The following ANK2 variants were observed in gnomAD, a reference collection of about 807,000 sequenced individuals.
The protein encoded by ANK2 is ankyrin-2.
A neutral mutation model predicts 360.5 loss-of-function variants in ANK2; 83 were observed. The ratio of observed to expected loss-of-function variants is 0.23; its 90% CI spans 0.19 to 0.28. ANK2 has a LOEUF of 0.28. ANK2 is among the 10% of genes least tolerant of loss of function. The pLI, the probability that ANK2 is intolerant of heterozygous loss-of-function variation, is 1.00. For missense variants in ANK2, 4,201 were observed against 4,795.7 expected (o/e 0.88, Z 3.66); for synonymous variants, 1,740 against 1,759.5 (o/e 0.99, Z 0.28).
chr4:113,118,134 T>C (rs1266215533), intron 1 of ANK2, among the ~76,000 whole-genome samples: 1 of 152,210 alleles, frequency 6.6e-6, no homozygotes, highest in African/African-American at 2.4e-5. Context: ...TCTTAAAATA[T>C]TGTTTTCCTT....
intron 1 of ANK2, among the ~76,000 whole-genome samples, chr4:113,104,020 C>T (rs902763581): frequency 2.6e-5 from 4 of 152,086 alleles, no homozygotes; most frequent in African/African-American, 4.8e-5. Flanking sequence ...CCAAGGGTCT[C>T]GGAAACCTAG....
intron 1 of ANK2, among the ~76,000 whole-genome samples, chr4:113,166,941 A>C (rs1227207209): frequency 3.3e-5 from 5 of 152,178 alleles, no homozygotes; most frequent in Non-Finnish European, 7.4e-5. Context: ...AGCCTCATGA[A>C]TATCAGAACA....
intron 1 of ANK2, among the ~76,000 whole-genome samples, chr4:112,850,133 A>G (rs2064316003): frequency 6.6e-6 from 1 of 152,164 alleles, no homozygotes; most frequent in African/African-American, 2.4e-5. Context: ...TACACTATCA[A>G]CTTCCCTGTT....
upstream of ANK2, among the ~76,000 whole-genome samples, chr4:112,815,704 G>A (rs1352333090): frequency 6.6e-6 from 1 of 152,182 alleles, no homozygotes; most frequent in Admixed American, 6.5e-5. Flanking sequence ...AATGGCCAAA[G>A]ATTTAATCAA....
At chr4:112,957,851 AGGCAGAGGGTCTCCTCACTTCTCAGACGG>A (rs2031243637) in intron 2 of ANK2, among the ~76,000 whole-genome samples, 1 of 140,750 alleles carries the variant, frequency 7.1e-6, no homozygotes, top group African/African-American at 2.7e-5. Flanking sequence ...GGCGGTTGCC[AGGCAGAGGGTCTCCTCACTTCTCAGACGG>A]GGCAGCCGGG....
rs942680150 is a variant in ANK2 at position 113,288,400 on chromosome 4, C to A, written c.2191C>A (p.Pro731Thr). Reference protein sequence around the residue: ...QDAHTKLGYTPLIVACHYGNV... With the variant: ...QDAHTKLGYTTLIVACHYGNV... ...TTATTATTTACAGCTTGGTTACACA[C>A]CTTTAATTGTGGCCTGTCACTATGG... is the stretch of plus-strand genomic sequence containing the variant. The change falls in exon 20 of 46, where the codon CCT (proline) becomes ACT (threonine). Residue 731 changes from proline to threonine, a missense_variant. Transcript: ENST00000357077. 6.2e-7 allele frequency: 1 copy of A among 1,613,712 alleles called. No individual in the cohort carries two copies. The highest frequency in any genetic ancestry group is 8.5e-7 in the Non-Finnish European group (1 of 1,179,710).
chr4:113,223,696 G>T (rs779318540), intron 4 of ANK2, among the ~76,000 whole-genome samples: 5 of 152,150 alleles, frequency 3.3e-5, no homozygotes, highest in African/African-American at 4.8e-5. Flanking sequence ...GCCAGATTAT[G>T]TAAGACTGTA....
intron 1 of ANK2, among the ~76,000 whole-genome samples, chr4:113,052,207 C>T (rs1461526758): frequency 6.6e-6 from 1 of 152,132 alleles, no homozygotes; most frequent in Non-Finnish European, 1.5e-5. Flanking sequence ...TTGATGAGGA[C>T]ATTAATGATA....
intron 35 of ANK2, 176 bp from the exon 36 acceptor site, chr4:113,348,100 T>C: frequency 1.6e-6 from 1 of 643,564 alleles, no homozygotes; most frequent in Non-Finnish European, 2.7e-6. Context: ...AAGCCAATCT[T>C]CTTTTCTGCC....
rs78770653 is a variant in ANK2 at position 112,857,226 on chromosome 4, A to G, written c.-40+38962A>G. On this transcript the variant is annotated intron_variant, in intron 1 of 30. Coordinates refer to the ANK2 transcript ENST00000503271. ...GTAGGAGGAGAAAAAAAAGTTTTTA[A>G]AAGAAACTTTTAAAGACAATTAACA... Among the ~76,000 whole-genome samples the G allele has an allele frequency of 7.7e-3, 1,174 of 152,326 alleles. 9 individuals carry two copies. Among genetic ancestry groups the G allele is most frequent in the African/African-American group, 0.026 (1,089 of 41,570 alleles).
chr4:113,263,187 G>GAAA (rs762758720), intron 13 of ANK2, among the ~76,000 whole-genome samples: 230 of 62,888 alleles, frequency 3.7e-3, no homozygotes, highest in African/African-American at 4.8e-3. Flanking sequence ...GACTCTGTCT[G>GAAA]AAAAAAAAAA....
chr4:112,875,039 C>A (rs1299003634), intron 1 of ANK2, among the ~76,000 whole-genome samples: 1 of 140,794 alleles, frequency 7.1e-6, no homozygotes, highest in African/African-American at 2.6e-5. Flanking sequence ...TCCCTAATTA[C>A]TTTTTTTTTT....
Position 113,297,292 on chromosome 4 carries a change from C to T in ANK2, c.2475+3754C>T, listed in dbSNP as rs117802356. 0.012 allele frequency among the ~76,000 whole-genome samples: 1,844 copies of T among 152,076 alleles called. 190 individuals carry two copies. The East Asian group carries it at 0.26, about 22-fold the overall frequency. ...TGATAGGATTACAGGCCTGAGCCCC[C>T]GCTGTGTATTTTCTTAAAAAGACAT... On this transcript the variant is annotated intron_variant, in intron 22 of 45. Coordinates refer to ENST00000357077, the MANE Select transcript of ANK2 (RefSeq NM_001148.6).
chr4:113,150,041 A>T (rs1158682218), intron 1 of ANK2, among the ~76,000 whole-genome samples: 1 of 152,050 alleles, frequency 6.6e-6, no homozygotes, highest in Non-Finnish European at 1.5e-5. Flanking sequence ...TGTTGAAATG[A>T]GCCATTATAG....
intron 8 of ANK2, among the ~76,000 whole-genome samples, chr4:113,241,854 C>T (rs2040125826): frequency 6.6e-6 from 1 of 152,148 alleles, no homozygotes; most frequent in Non-Finnish European, 1.5e-5. Context: ...TTGACTATAA[C>T]TTGTACATTC....
At chr4:112,794,602 T>G in the ANK2 span, among the ~76,000 whole-genome samples, 2 of 152,366 alleles carry the variant, frequency 1.3e-5, no homozygotes, top group South Asian at 2.1e-4. Flanking sequence ...TTAATTTCTT[T>G]CATCTATATG....
intron 13 of ANK2, 43 bp from the exon 14 acceptor site, chr4:113,264,854 C>A: frequency 6.5e-7 from 1 of 1,532,372 alleles, no homozygotes; most frequent in Non-Finnish European, 8.8e-7. Flanking sequence ...CCATCCAGAG[C>A]GGTGGGTTAA....
chr4:113,191,920 T>G (rs544975289), intron 2 of ANK2, among the ~76,000 whole-genome samples: 1 of 152,314 alleles, frequency 6.6e-6, no homozygotes, highest in South Asian at 2.1e-4. Flanking sequence ...ACCCCAAATG[T>G]GGACACGATT....
At chr4:113,147,633 G>A (rs2096883613) in intron 1 of ANK2, among the ~76,000 whole-genome samples, 1 of 152,162 alleles carries the variant, frequency 6.6e-6, no homozygotes, top group African/African-American at 2.4e-5. Context: ...AAAAGAAAAA[G>A]TTAATGTTTA....
Sources: gnomAD v4.1 joint callset for allele counts (sites outside exome capture counted in the v4.1 genomes callset) on GRCh38, gnomAD v4.1.1 for gene constraint, MANE v1.5 for transcripts, NCBI Gene and HGNC (gene_info 2026-07-23, HGNC 2026-07-21) for gene names.